SEC23A: variants seen among roughly 807,000 people sequenced by gnomAD.
SEC23A encodes the protein SEC23 homolog A, COPII component, also known as protein transport protein Sec23A.
Under a neutral mutation model 103.7 loss-of-function variants are expected in SEC23A, and 56 were observed. The ratio of observed to expected loss-of-function variants is 0.54; its 90% CI spans 0.44 to 0.67. The LOEUF (loss-of-function observed/expected upper bound fraction) is 0.67. Among genes scored for constraint, SEC23A ranks in the 30% least tolerant of loss-of-function variants. The pLI, the probability that SEC23A is intolerant of heterozygous loss-of-function variation, is 0.00. For missense variants in SEC23A, 784 were observed against 936.4 expected, an observed-to-expected ratio of 0.84 and a Z score of 2.12; for synonymous variants, 281 against 293.0, an observed-to-expected ratio of 0.96 and a Z score of 0.42.
At chr14:39,065,036 C>T (rs370334631) in intron 10 of SEC23A, 43 bp from the exon 11 acceptor site, 12 of 1,257,798 alleles carry the variant, frequency 9.5e-6, no homozygotes, top group Admixed American at 1.7e-5. Flanking sequence ...CTCAAAGATA[C>T]GTTCAAATGT....
chr14:39,071,395 T>C (rs966425312), intron 9 of SEC23A, among the ~76,000 whole-genome samples: 5 of 151,774 alleles, frequency 3.3e-5, no homozygotes, highest in Admixed American at 2.0e-4. Context: ...GAAATAAATA[T>C]GAAAATTAGC....
intron 3 of SEC23A, 138 bp downstream of exon 3, chr14:39,093,049 A>T (rs1172751937): frequency 1.6e-6 from 1 of 613,022 alleles, no homozygotes; most frequent in Non-Finnish European, 2.8e-6. Context: ...TTGTATTTTT[A>T]GTAGAGACGG....
At chr14:39,085,627 C>A in intron 7 of SEC23A, 135 bp downstream of exon 7, 1 of 1,042,560 alleles carries the variant, frequency 9.6e-7, no homozygotes, top group Non-Finnish European at 1.4e-6. Context: ...TTTGTTGATG[C>A]TGAGTGAGAG....
At chr14:39,093,498 G>A (rs1053889543) in intron 2 of SEC23A, among the ~76,000 whole-genome samples, 6 of 152,134 alleles carry the variant, frequency 3.9e-5, no homozygotes, top group Admixed American at 6.5e-5. Context: ...AGTAGGTCAC[G>A]CCTGTAATCT....
At chr14:39,078,695 A>AT (rs2139260651) in intron 7 of SEC23A, among the ~76,000 whole-genome samples, 1 of 152,354 alleles carries the variant, frequency 6.6e-6, no homozygotes, top group South Asian at 2.1e-4. Context: ...AAATAAAAGC[A>AT]TTAAGAAAAT....
At chr14:39,041,779 G>C (rs60176420) in intron 17 of SEC23A, among the ~76,000 whole-genome samples, 221 of 149,366 alleles carry the variant, frequency 1.5e-3, no homozygotes, top group African/African-American at 5.3e-3. Context: ...TGAGACAGGA[G>C]AATCGCTGGA....
At chr14:39,095,876 T>G (rs1392502567) in intron 2 of SEC23A, 22 bp downstream of exon 2, 1 of 1,524,724 alleles carries the variant, frequency 6.6e-7, no homozygotes, top group Non-Finnish European at 9.1e-7. Context: ...GCCACATTAG[T>G]TTTTCTATAT....
intron 17 of SEC23A, 25 bp downstream of exon 17, chr14:39,042,761 G>C: frequency 6.9e-7 from 1 of 1,452,178 alleles, no homozygotes; most frequent in Non-Finnish European, 9.7e-7. Context: ...TACATGCATA[G>C]CTTTAAATGC....
At chr14:39,099,808 A>G (rs1888022003) in intron 1 of SEC23A, among the ~76,000 whole-genome samples, 1 of 152,142 alleles carries the variant, frequency 6.6e-6, no homozygotes, top group African/African-American at 2.4e-5. Flanking sequence ...TTCAACCAAA[A>G]CAATATATCA....
chr14:39,082,371 G>C (rs777513023), intron 7 of SEC23A, among the ~76,000 whole-genome samples: 24 of 151,986 alleles, frequency 1.6e-4, no homozygotes, highest in Non-Finnish European at 2.6e-4. Context: ...TATTTGGCAT[G>C]CATCATAATA....
intron 13 of SEC23A, among the ~76,000 whole-genome samples, chr14:39,056,045 C>A (rs1886235162): frequency 6.6e-6 from 1 of 152,250 alleles, no homozygotes; most frequent in Non-Finnish European, 1.5e-5. Context: ...GCAGGAGTCA[C>A]ACATAAGCCT....
At chr14:39,039,200 G>GTAAAATTAAGTTAA in intron 18 of SEC23A, 104 bp from the exon 19 acceptor site, 1 of 921,774 alleles carries the variant, frequency 1.1e-6, no homozygotes, top group Non-Finnish European at 1.7e-6. Context: ...GTATGTGTTG[G>GTAAAATTAAGTTAA]TAAAATTAAT....
intron 13 of SEC23A, among the ~76,000 whole-genome samples, chr14:39,059,870 C>T (rs1886412706): frequency 6.6e-6 from 1 of 152,096 alleles, no homozygotes; most frequent in Non-Finnish European, 1.5e-5. Context: ...GCTTCTAAAG[C>T]AAAATTTTTC....
intron 13 of SEC23A, among the ~76,000 whole-genome samples, chr14:39,059,278 T>TAAAAAAAAAAAAAAAAAAA (rs750853379): frequency 1.7e-4 from 12 of 71,828 alleles, no homozygotes; most frequent in African/African-American, 3.1e-4. Context: ...AGTCCTAGTT[T>TAAAAAAAAAAAAAAAAAAA]AAAAAAAAAA....
intron 7 of SEC23A, 22 bp downstream of exon 7, chr14:39,085,739 CA>C: frequency 6.5e-7 from 1 of 1,545,786 alleles, no homozygotes; most frequent in Non-Finnish European, 8.8e-7. Flanking sequence ...CTTTACATTC[CA>C]AAACAAAACC....
chr14:39,050,721 G>A (rs959025003), intron 14 of SEC23A, among the ~76,000 whole-genome samples: 1 of 152,152 alleles, frequency 6.6e-6, no homozygotes, highest in African/African-American at 2.4e-5. Flanking sequence ...GGGAGGCTGA[G>A]GTGGGAGGAT....
intron 5 of SEC23A, among the ~76,000 whole-genome samples, chr14:39,089,014 GAAAA>G: frequency 6.9e-6 from 1 of 145,718 alleles, no homozygotes; most frequent in Admixed American, 6.8e-5. Flanking sequence ...TAAAAATACA[GAAAA>G]AAAAAATTAG....
At chr14:39,049,598 G>C (rs533868176) in intron 14 of SEC23A, among the ~76,000 whole-genome samples, 1 of 151,550 alleles carries the variant, frequency 6.6e-6, no homozygotes, top group African/African-American at 2.4e-5. Flanking sequence ...GCAACATAGC[G>C]AGATCCTGTC....
At chr14:39,094,769 G>C (rs144297303) in intron 2 of SEC23A, 1 of 464,932 alleles carries the variant, frequency 2.2e-6, no homozygotes, top group Non-Finnish European at 3.8e-6. Context: ...CAAGGTAGGA[G>C]TAAGTTTGGT....
Sources: allele counts gnomAD v4.1 joint callset (sites outside exome capture counted in the v4.1 genomes callset), GRCh38; gene constraint gnomAD v4.1.1; transcripts MANE v1.5; gene names NCBI Gene and HGNC (gene_info 2026-07-23, HGNC 2026-07-21).